Variants in MROH6 observed in about 807,000 individuals in gnomAD.
MROH6 encodes the protein maestro heat-like repeat-containing protein family member 6.
Under a neutral mutation model 67.7 loss-of-function variants are expected in MROH6, and 62 were observed. The observed-to-expected ratio is 0.92, with a 90% CI of 0.75 to 1.13. The LOEUF is 1.13. Among genes scored for constraint, MROH6 ranks in the 50% most tolerant of loss-of-function variants. The pLI is 0.00. For synonymous variants in MROH6, 566 were observed against 470.8 expected, an observed-to-expected ratio of 1.20 and a Z score of -2.62; for missense variants, 1,175 against 1,029.1, an observed-to-expected ratio of 1.14 and a Z score of -1.94.
At chr8:143,567,733 C>T in intron 12 of MROH6, 53 bp downstream of exon 12, 1 of 1,568,606 alleles carries the variant, frequency 6.4e-7, no homozygotes, top group African/African-American at 1.4e-5. Flanking sequence ...GGGAGGCTGG[C>T]CCAGCTCCCA....
chr8:143,567,659 C>G lies in MROH6; in HGVS notation c.1885G>C (p.Ala629Pro). 1.3e-6 allele frequency: 2 copies of G among 1,576,346 alleles called. No individual in the cohort carries two copies. Among genetic ancestry groups the G allele is most frequent in the South Asian group, 2.3e-5 (2 of 86,172 alleles). ...TCCTGGTTGACACAGCCGGGGCTGG[C>G]GTGGTGGACAAGGAAGCCTGGACCA... The part of the protein sequence containing the change: ...AVLIGFLVHH[A>P]SPGCVNQDLL... The change falls in exon 13 of 14, where the codon GCC (alanine) becomes CCC (proline). Residue 629 changes from alanine (A) to proline (P), a missense_variant. Transcript: ENST00000398882.
Position 143,572,144 on chromosome 8 carries a change from G to A in MROH6, c.336C>T (p.Leu112=), listed in dbSNP as rs760638338. The stretch of plus-strand genomic sequence containing the variant: ...CCAGGCAGGCAGCCGTGTACAACGC[G>A]AGGTCGGCAAGAACTCCCTCCTCCC... ...SSWEEGVLAD[L]ALYTAACLEE... Residue 112 remains leucine (L), a synonymous_variant, in exon 2 of 14, where the codon CTC becomes CTT. Coordinates refer to ENST00000398882, the MANE Select transcript of MROH6 (RefSeq NM_001100878.2). 48 of 1,612,916 alleles carry A rather than the reference G, an allele frequency of 3.0e-5. 1 individual carries two copies. The highest frequency in any genetic ancestry group is 3.4e-5 in the Non-Finnish European group (40 of 1,179,874).
intron 9 of MROH6, 75 bp downstream of exon 9, chr8:143,569,366 T>G (rs1587013942): frequency 1.9e-6 from 2 of 1,058,492 alleles, no homozygotes; most frequent in Non-Finnish European, 2.3e-6. Context: ...GGGCGGGGCC[T>G]GGGAGGGAGA....
rs755242393 is a variant in MROH6, at chr8:143,570,233, C to CCCT, written c.1043+7_1043+9dup. ...TGTGACACCCTGGGGCCCCTCCTCA[C>CCCT]CCTCCTCACCTGGCCAGCAGCAGGA... On this transcript the variant is annotated intron_variant, in intron 6 of 13. Coordinates refer to ENST00000398882, the MANE Select transcript of MROH6 (RefSeq NM_001100878.2). 7 of 1,571,736 alleles carry CCCT rather than the reference C, an allele frequency of 4.5e-6. No homozygotes were observed. The African/African-American group carries it at 8.1e-5, about 18-fold the overall frequency.
Position 143,567,196 on chromosome 8 carries a change from G to A in MROH6, c.*43C>T, listed in dbSNP as rs1777177880. On this transcript the variant is annotated 3_prime_UTR_variant, in exon 14 of 14. Transcript: ENST00000398882. ...GGGGACAGGCTGCTATGCGCGTGGG[G>A]TGCCCGAGTCGGACCCTGGCCCTCG... 3.5e-6 allele frequency: 4 copies of A among 1,127,554 alleles called. No individual in the cohort carries two copies. The highest frequency in any genetic ancestry group is 4.5e-6 in the Non-Finnish European group (4 of 896,230). The allele number at this position is 1,127,554 out of a possible 1,614,324, so 69.8% of individuals were successfully genotyped here. A position where few individuals can be genotyped will look rare whatever the true frequency, so the allele number is the denominator to read the frequency against.
rs769470485 is a variant in MROH6 at position 143,567,719 on chromosome 8, CA to C, written c.1868-44del. The C allele has an allele frequency of 4.5e-6, 7 of 1,572,424 alleles. No individual in the cohort carries two copies. The East Asian group carries it at 1.4e-4, about 32-fold the overall frequency. On this transcript the variant is annotated intron_variant, in intron 12 of 13. Transcript: ENST00000398882. ...CATGAGTGCAGGCCCCACAGCCCCC[CA>C]GGGGGAGGCTGGCCCAGCTCCCAAA...
rs752133847 is a variant in MROH6 at position 143,572,683 on chromosome 8, GC to G, written c.31del (p.Ala11ProfsTer9). The G allele has an allele frequency of 3.9e-6, 6 of 1,522,754 alleles. No homozygotes were observed. The highest frequency in any genetic ancestry group is 4.4e-6 in the Non-Finnish European group (5 of 1,138,478). The allele number at this position is 1,522,754 out of a possible 1,614,324, so 94.3% of individuals were successfully genotyped here. A position where few individuals can be genotyped will look rare whatever the true frequency, so the allele number is the denominator to read the frequency against. On this transcript the variant is annotated frameshift_variant, in exon 1 of 14. Transcript: ENST00000398882. LOFTEE classifies it high-confidence loss of function. MAGGVWGRSR[A>X]REAPVGALTL... ...TAGAGCCCCCACGGGAGCCTCCCGG[GC>G]CCGGCTCCGGCCCCACACACCCCCA...
chr8:143,570,681 G>A (rs564299839), intron 4 of MROH6, 24 bp from the exon 5 acceptor site: 1 of 1,578,432 alleles, frequency 6.3e-7, no homozygotes, highest in East Asian at 2.3e-5. Context: ...GGCCCACTCA[G>A]GCCTGGGGCA....
chr8:143,572,639 C>T lies in MROH6; in HGVS notation c.76G>A (p.Glu26Lys), dbSNP rs2130676235. Reference protein sequence around the residue: ...VGALTLTALTEGIRARQGQPQ... With the variant: ...VGALTLTALTKGIRARQGQPQ... The stretch of plus-strand genomic sequence containing the variant: ...TGCCCCTGCCTGGCCCGGATTCCTT[C>T]AGTCAGTGCTGTCAGGGTTAGAGCC... Residue 26 changes from glutamate (E) to lysine (K), a missense_variant, in exon 1 of 14, where the codon GAA (glutamate) becomes AAA (lysine). By Grantham distance (56) the Glu-to-Lys change is moderately conservative. Transcript: ENST00000398882. The T allele has an allele frequency of 1.3e-6, 2 of 1,581,056 alleles. No individual in the cohort carries two copies. Among genetic ancestry groups the T allele is most frequent in the Admixed American group, 1.8e-5 (1 of 57,084 alleles).
At position 143,572,010 on chromosome 8, in the gene MROH6, G is replaced by A. The variant is rs766576860; in HGVS notation, c.447+23C>T. ...GCCCGAACCGGCAGGATTCTGTAGG[G>A]CATGAAGTGGGTGAAGGCTGACCTG... On this transcript the variant is annotated intron_variant, in intron 2 of 13. Transcript: ENST00000398882. The A allele has an allele frequency of 8.1e-6, 13 of 1,604,174 alleles. No individual in the cohort carries two copies. The African/African-American group carries it at 1.3e-4, about 17-fold the overall frequency.
rs1824051703 is a variant in MROH6, at chr8:143,571,705, C to G, written c.564G>C (p.Val188=). The G allele has an allele frequency of 6.4e-7, 1 of 1,551,750 alleles. No individual in the cohort carries two copies. ...GAGAGCGGGGTAGCAGCGCACACAC[C>G]ACGTCCCGCGCATGCTCCAGGGCCA... ...SALALEHARD[V]VCALLPRSLP... is the part of the protein sequence containing the mutation. Residue 188 remains valine, a synonymous_variant, in exon 3 of 14, where the codon GTG becomes GTC. Coordinates refer to ENST00000398882, the MANE Select transcript of MROH6 (RefSeq NM_001100878.2).
chr8:143,569,590 G>C lies in MROH6; in HGVS notation c.1327C>G (p.Pro443Ala), dbSNP rs748897703. ...TCGCCCAGTGCGCCCAGGAGCGCCGGCAGCAGCGTGCTCACGTGCCGCACC... is the reference window on the plus strand; with the variant it reads ...TCGCCCAGTGCGCCCAGGAGCGCCGCCAGCAGCGTGCTCACGTGCCGCACC... ...RKVRHVSTLL[P>A]ALLGALGEGD... Residue 443 changes from proline (P) to alanine (A), a missense_variant, in exon 9 of 14, where the codon CCG (proline) becomes GCG (alanine). By Grantham distance (27) the Pro-to-Ala change is conservative (BLOSUM62 -1). Transcript: ENST00000398882. The C allele has an allele frequency of 3.2e-6, 5 of 1,570,136 alleles. No individual in the cohort carries two copies. Among genetic ancestry groups the C allele is most frequent in the Non-Finnish European group, 3.4e-6 (4 of 1,161,654 alleles).
chr8:143,571,896 T>TC, intron 2 of MROH6, 75 bp from the exon 3 acceptor site: 1 of 1,277,344 alleles, frequency 7.8e-7, no homozygotes, highest in Admixed American at 2.7e-5. Context: ...GCACCCCACC[T>TC]CCACCCCCAC....
At chr8:143,568,873 C>G in intron 9 of MROH6, 154 bp from the exon 10 acceptor site, 1 of 583,776 alleles carries the variant, frequency 1.7e-6, no homozygotes, top group East Asian at 3.3e-5. Context: ...GGAGCTGGAC[C>G]TGGTTGGGAA....
rs1321851954 is a variant in MROH6, at chr8:143,572,526, G to A, written c.189C>T (p.Ala63=). Reference sequence around the variant, plus strand: ...CACGTCCAGGCTCTGCCTCAGAGGGGGCGGTGAGTGCCTGGGTCTGTGGCT... The same window carrying A: ...CACGTCCAGGCTCTGCCTCAGAGGGAGCGGTGAGTGCCTGGGTCTGTGGCT... ...EAEPQTQALT[A]PSEAEPGRGA... Residue 63 remains alanine (A), a synonymous_variant, in exon 1 of 14, where the codon GCC becomes GCT. Transcript: ENST00000398882. The A allele has an allele frequency of 6.2e-7, 1 of 1,605,972 alleles. No homozygotes were observed. Among genetic ancestry groups the A allele is most frequent in the Non-Finnish European group, 8.5e-7 (1 of 1,177,238 alleles).
chr8:143,572,669 C>CG lies in MROH6; in HGVS notation c.45dup (p.Val16ArgfsTer11). 6.5e-7 allele frequency: 1 copy of CG among 1,543,724 alleles called. No homozygotes were observed. The highest frequency in any genetic ancestry group is 8.7e-7 in the Non-Finnish European group (1 of 1,147,808). The stretch of plus-strand genomic sequence containing the variant: ...AGTGCTGTCAGGGTTAGAGCCCCCA[C>CG]GGGAGCCTCCCGGGCCCGGCTCCGG... On this transcript the variant is annotated frameshift_variant, in exon 1 of 14. Coordinates refer to ENST00000398882, the MANE Select transcript of MROH6 (RefSeq NM_001100878.2). LOFTEE classifies it high-confidence loss of function.
rs761661973 is a variant in MROH6 at position 143,572,142 on chromosome 8, G to C, written c.338C>G (p.Ala113Gly). 1.2e-6 allele frequency: 2 copies of C among 1,613,012 alleles called. No homozygotes were observed. The highest frequency in any genetic ancestry group is 1.7e-6 in the Non-Finnish European group (2 of 1,179,852). Residue 113 changes from alanine to glycine, a missense_variant, in exon 2 of 14, where the codon GCG becomes GGG. By Grantham distance (60) the Ala-to-Gly change is moderately conservative. Transcript: ENST00000398882. ...SWEEGVLADL[A>G]LYTAACLEEA... is the part of the protein sequence containing the mutation. ...CTCCAGGCAGGCAGCCGTGTACAAC[G>C]CGAGGTCGGCAAGAACTCCCTCCTC...
chr8:143,571,178 A>G (rs1177970214), intron 3 of MROH6, among the ~76,000 whole-genome samples, 184 bp from the exon 4 acceptor site: 1 of 152,228 alleles, frequency 6.6e-6, no homozygotes, highest in Non-Finnish European at 1.5e-5. Flanking sequence ...TGTGCAGACC[A>G]CAACATAGCC....
At chr8:143,570,731 T>A (rs1161784282) in intron 4 of MROH6, 74 bp from the exon 5 acceptor site, 1 of 1,498,310 alleles carries the variant, frequency 6.7e-7, no homozygotes, top group Non-Finnish European at 8.9e-7. Flanking sequence ...ACAGGCGTGC[T>A]GTCAACAGGA....
Sources: allele counts gnomAD v4.1 joint callset (sites outside exome capture counted in the v4.1 genomes callset), GRCh38; gene constraint gnomAD v4.1.1; transcripts MANE v1.5; gene names NCBI Gene and HGNC (gene_info 2026-07-23, HGNC 2026-07-21).